SCAMP1: variants seen among roughly 807,000 people sequenced by gnomAD.
The protein encoded by SCAMP1 is secretory carrier membrane protein 1.
A neutral mutation model predicts 41.8 loss-of-function variants in SCAMP1; 15 were observed. The observed-to-expected ratio is 0.36, with a 90% CI of 0.24 to 0.55. The LOEUF is 0.55. SCAMP1 is among the 20% of genes least tolerant of loss of function. SCAMP1 has a pLI of 0.86. For missense variants in SCAMP1, 341 were observed against 412.6 expected, an observed-to-expected ratio of 0.83 and a Z score of 1.50; for synonymous variants, 135 against 136.8, an observed-to-expected ratio of 0.99 and a Z score of 0.09.
At chr5:78,364,123 A>G (rs1259870719) in intron 1 of SCAMP1, among the ~76,000 whole-genome samples, 8 of 152,240 alleles carry the variant, frequency 5.3e-5, no homozygotes, top group Admixed American at 5.2e-4. Context: ...ATACTGAAGA[A>G]GTGTCTCTGT....
chr5:78,391,532 C>T (rs919096082), intron 2 of SCAMP1, among the ~76,000 whole-genome samples: 6 of 151,820 alleles, frequency 4.0e-5, no homozygotes, highest in South Asian at 2.1e-4. Flanking sequence ...GGGTGGCTGC[C>T]GGGCGGAGGG....
chr5:78,410,312 C>T (rs957339827), intron 2 of SCAMP1, among the ~76,000 whole-genome samples: 4 of 151,946 alleles, frequency 2.6e-5, no homozygotes, highest in African/African-American at 4.8e-5. Flanking sequence ...CCCCATCTCC[C>T]GACAGGCCCC....
chr5:78,450,908 A>T (rs914524846), intron 7 of SCAMP1, among the ~76,000 whole-genome samples: 1 of 152,220 alleles, frequency 6.6e-6, no homozygotes, highest in Admixed American at 6.5e-5. Flanking sequence ...GGGCATAAAT[A>T]CATGCAGAAA....
chr5:78,371,185 C>G (rs1246044204), intron 1 of SCAMP1, among the ~76,000 whole-genome samples: 1 of 152,014 alleles, frequency 6.6e-6, no homozygotes, highest in Non-Finnish European at 1.5e-5. Flanking sequence ...TTCAAATTAC[C>G]TATTTTTTGT....
At chr5:78,421,715 AT>A (rs1248337493) in intron 5 of SCAMP1, 85 bp from the exon 6 acceptor site, 6 of 1,186,052 alleles carry the variant, frequency 5.1e-6, no homozygotes, top group Non-Finnish European at 7.3e-6. Flanking sequence ...CTTAGGAAGT[AT>A]TTTTTTATTT....
At chr5:78,383,008 T>C (rs1014257337) in intron 1 of SCAMP1, among the ~76,000 whole-genome samples, 7 of 152,198 alleles carry the variant, frequency 4.6e-5, no homozygotes, top group Admixed American at 2.6e-4. Context: ...CTTTTAGTTC[T>C]TTAAGGAATT....
chr5:78,372,398 T>C (rs765080894), intron 1 of SCAMP1, among the ~76,000 whole-genome samples: 9 of 152,138 alleles, frequency 5.9e-5, no homozygotes, highest in Admixed American at 1.3e-4. Flanking sequence ...GTGCTTACAA[T>C]TGTAGTATGT....
chr5:78,443,868 G>T (rs924763753), intron 6 of SCAMP1, among the ~76,000 whole-genome samples: 1 of 151,726 alleles, frequency 6.6e-6, no homozygotes, highest in African/African-American at 2.4e-5. Flanking sequence ...ATTGCCCCAC[G>T]CTGGTCTTGA....
At chr5:78,438,107 C>G (rs1580695318) in intron 6 of SCAMP1, among the ~76,000 whole-genome samples, 2 of 152,038 alleles carry the variant, frequency 1.3e-5, no homozygotes, top group African/African-American at 4.8e-5. Context: ...TCTCTCTTTT[C>G]TTCTTTATCA....
At chr5:78,391,516 C>T (rs544022699) in intron 2 of SCAMP1, among the ~76,000 whole-genome samples, 12 of 152,024 alleles carry the variant, frequency 7.9e-5, no homozygotes, top group Admixed American at 2.0e-4. Context: ...CCTCACTTCC[C>T]AGACGGGGTG....
At chr5:78,427,877 GTT>G (rs1432751872) in intron 6 of SCAMP1, among the ~76,000 whole-genome samples, 4 of 152,132 alleles carry the variant, frequency 2.6e-5, no homozygotes, top group African/African-American at 9.6e-5. Flanking sequence ...TAAAAATTCT[GTT>G]GTTGACTTCT....
chr5:78,433,022 T>G (rs1278873363), intron 6 of SCAMP1, among the ~76,000 whole-genome samples: 1 of 152,170 alleles, frequency 6.6e-6, no homozygotes, highest in Non-Finnish European at 1.5e-5. Context: ...TTGGTGAGCT[T>G]CTCAAAGGTA....
intron 1 of SCAMP1, among the ~76,000 whole-genome samples, chr5:78,379,963 G>A (rs914184776): frequency 1.5e-4 from 23 of 152,108 alleles, no homozygotes; most frequent in African/African-American, 4.3e-4. Flanking sequence ...ATTAAGTCTA[G>A]CTTCGAAGTC....
intron 8 of SCAMP1, among the ~76,000 whole-genome samples, chr5:78,469,442 C>G (rs1054640003): frequency 1.3e-5 from 2 of 151,508 alleles, no homozygotes; most frequent in Non-Finnish European, 2.9e-5. Context: ...TGTTTATATT[C>G]TGTCCTCGGC....
At chr5:78,469,935 A>AAAAAAAAAAAAAAAAG (rs1753843992) in intron 8 of SCAMP1, among the ~76,000 whole-genome samples, 1 of 16,572 alleles carries the variant, frequency 6.0e-5, no homozygotes. Flanking sequence ...AAAAAAAACA[A>AAAAAAAAAAAAAAAAG]CAACACAGCC....
At chr5:78,384,812 TGG>T (rs1751302800) in intron 1 of SCAMP1, among the ~76,000 whole-genome samples, 1 of 152,202 alleles carries the variant, frequency 6.6e-6, no homozygotes, top group Non-Finnish European at 1.5e-5. Flanking sequence ...CACTTGATTA[TGG>T]TGGATTATCT....
rs1257277166 is a variant in SCAMP1, at chr5:78,391,994, G to A, written c.135+3080G>A. 4.6e-5 allele frequency among the ~76,000 whole-genome samples: 7 copies of A among 151,260 alleles called. No individual in the cohort carries two copies. The South Asian group carries it at 1.0e-3, about 23-fold the overall frequency. On this transcript the variant is annotated intron_variant, in intron 2 of 8. Coordinates refer to ENST00000621999, the MANE Select transcript of SCAMP1 (RefSeq NM_004866.6). ...TTCGGCTTGGCATCAGAGGGAGACC[G>A]TGGAAAGAGAGGGAGAGGGAGAGGG...
chr5:78,384,374 T>C (rs1461965609), intron 1 of SCAMP1, among the ~76,000 whole-genome samples: 1 of 152,152 alleles, frequency 6.6e-6, no homozygotes, highest in Non-Finnish European at 1.5e-5. Flanking sequence ...GAGGGTTTTC[T>C]AGGTATATGA....
intron 6 of SCAMP1, among the ~76,000 whole-genome samples, chr5:78,444,705 C>A (rs1213652878): frequency 6.6e-6 from 1 of 152,176 alleles, no homozygotes; most frequent in African/African-American, 2.4e-5. Flanking sequence ...TAGCCTAATG[C>A]CACTTCTGTG....
Sources: gnomAD v4.1 joint callset for allele counts (sites outside exome capture counted in the v4.1 genomes callset) on GRCh38, gnomAD v4.1.1 for gene constraint, MANE v1.5 for transcripts, NCBI Gene and HGNC (gene_info 2026-07-23, HGNC 2026-07-21) for gene names.